SENP2: variants seen among roughly 807,000 people sequenced by gnomAD.
SENP2 encodes sentrin-specific protease 2.
A neutral mutation model predicts 86.3 loss-of-function variants in SENP2; 16 were observed. The ratio of observed to expected loss-of-function variants is 0.19; its 90% CI spans 0.13 to 0.28. SENP2 has a LOEUF of 0.28. SENP2 is among the 10% of genes least tolerant of loss of function. SENP2 has a pLI of 1.00. For synonymous variants in SENP2, 222 were observed against 238.7 expected, an observed-to-expected ratio of 0.93 and a Z score of 0.64; for missense variants, 552 against 703.0, an observed-to-expected ratio of 0.79 and a Z score of 2.43.
chr3:185,608,764 A>G (rs1250244229), intron 6 of SENP2, among the ~76,000 whole-genome samples: 1 of 152,226 alleles, frequency 6.6e-6, no homozygotes. Context: ...CTAGGAAAGC[A>G]AGGCAGGTCA....
intron 2 of SENP2, among the ~76,000 whole-genome samples, chr3:185,594,176 A>AC (rs1401816088): frequency 5.0e-4 from 76 of 151,398 alleles, no homozygotes; most frequent in East Asian, 1.7e-3. Flanking sequence ...AAAAAAAAAA[A>AC]ACACACACAA....
At chr3:185,619,607 A>G (rs1458987545) in intron 13 of SENP2, 105 bp downstream of exon 13, 2 of 761,028 alleles carry the variant, frequency 2.6e-6, no homozygotes, top group African/African-American at 3.5e-5. Context: ...AATAGTATAT[A>G]TTATAAGCAT....
intron 2 of SENP2, among the ~76,000 whole-genome samples, chr3:185,594,291 T>C (rs1722105192): frequency 6.6e-6 from 1 of 152,088 alleles, no homozygotes; most frequent in African/African-American, 2.4e-5. Flanking sequence ...ATTAAATATG[T>C]AGTATGATTT....
intron 5 of SENP2, among the ~76,000 whole-genome samples, chr3:185,604,127 AT>A (rs1385549844): frequency 1.2e-4 from 18 of 152,282 alleles, no homozygotes; most frequent in African/African-American, 4.1e-4. Flanking sequence ...TCTCAAAAAA[AT>A]AAATAAATAA....
At chr3:185,589,011 G>C (rs555113488) in intron 1 of SENP2, among the ~76,000 whole-genome samples, 2 of 152,092 alleles carry the variant, frequency 1.3e-5, no homozygotes, top group Non-Finnish European at 2.9e-5. Context: ...ATGAAGCCCG[G>C]CAGGGCTTGT....
intron 10 of SENP2, among the ~76,000 whole-genome samples, chr3:185,613,862 G>A (rs1206398915): frequency 6.9e-6 from 1 of 145,618 alleles, no homozygotes; most frequent in African/African-American, 2.5e-5. Flanking sequence ...AGGAAGCATT[G>A]AAAATACACA....
intron 13 of SENP2, 136 bp from the exon 14 acceptor site, chr3:185,621,690 T>A: frequency 1.9e-6 from 1 of 519,354 alleles, no homozygotes; most frequent in South Asian, 2.2e-5. Flanking sequence ...GCATGGCCCA[T>A]AAATGGATTT....
chr3:185,618,347 A>C (rs1037030465), intron 12 of SENP2, among the ~76,000 whole-genome samples: 9 of 152,318 alleles, frequency 5.9e-5, no homozygotes, highest in African/African-American at 2.2e-4. Flanking sequence ...GTCATCTTGT[A>C]TCCTTAATAC....
rs1171186225 is a variant in SENP2 at position 185,617,412 on chromosome 3, G to A, written c.1111-68G>A. ...GAGATGAAAAACTTTTTTCAGTCTC[G>A]GAGTTTTCAATAACTGATAATGAAT... On this transcript the variant is annotated intron_variant, in intron 11 of 16. Transcript: ENST00000296257. 5.0e-6 allele frequency: 7 copies of A among 1,405,360 alleles called. No homozygotes were observed. The South Asian group carries it at 7.7e-5, about 15-fold the overall frequency. The allele number at this position is 1,405,360 out of a possible 1,614,324, so 87.1% of individuals were successfully genotyped here.
At chr3:185,592,034 T>TTTTTTTTTTTTTTGCTCA in intron 2 of SENP2, among the ~76,000 whole-genome samples, 1 of 114,640 alleles carries the variant, frequency 8.7e-6, no homozygotes, top group African/African-American at 3.5e-5. Context: ...TTTTTTTTTT[T>TTTTTTTTTTTTTTGCTCA]GAGACAGGAT....
Position 185,612,458 on chromosome 3 carries a change from A to T in SENP2, c.818-149A>T. The T allele has an allele frequency of 8.4e-6, 5 of 595,038 alleles. No homozygotes were observed. The South Asian group carries it at 1.2e-4, about 14-fold the overall frequency. 36.9% of individuals were successfully genotyped at this position (595,038 alleles called of 1,614,324 possible). On this transcript the variant is annotated intron_variant, in intron 8 of 16. Transcript: ENST00000296257. ...TATGCATTTTTTTAGGCAACTTAGT[A>T]TATAGGGAGGCTAGTGTCTTTGGAA... is the stretch of plus-strand genomic sequence containing the variant.
At position 185,630,775 on chromosome 3, in the gene SENP2, A is replaced by G. The variant is rs1263424593; in HGVS notation, c.*931A>G. On this transcript the variant is annotated 3_prime_UTR_variant, in exon 17 of 17. Coordinates refer to ENST00000296257, the MANE Select transcript of SENP2 (RefSeq NM_021627.3). ...TGTTTATTTCAAAAGATACTATTCA[A>G]TTTAAAGCTATTTTTCCTCAGAGTT... 4 of 152,570 alleles carry G rather than the reference A, an allele frequency of 2.6e-5. No homozygotes were observed. Among genetic ancestry groups the G allele is most frequent in the African/African-American group, 9.7e-5 (4 of 41,446 alleles). The allele number at this position is 152,570 out of a possible 1,614,324, so 9.5% of individuals were successfully genotyped here. A position where few individuals can be genotyped will look rare whatever the true frequency, so the allele number is the denominator to read the frequency against.
chr3:185,610,793 T>TA (rs1349759968), intron 7 of SENP2, among the ~76,000 whole-genome samples: 4 of 150,964 alleles, frequency 2.6e-5, no homozygotes, highest in Non-Finnish European at 4.4e-5. Flanking sequence ...CCATCTCTAC[T>TA]AAAAAATACA....
intron 16 of SENP2, among the ~76,000 whole-genome samples, chr3:185,626,760 G>A (rs933352564): frequency 1.3e-5 from 2 of 150,876 alleles, no homozygotes; most frequent in South Asian, 2.1e-4. Flanking sequence ...GTGACAGAGC[G>A]AGACTCTGTC....
chr3:185,612,774 T>C, intron 9 of SENP2, 116 bp downstream of exon 9: 1 of 720,700 alleles, frequency 1.4e-6, no homozygotes, highest in South Asian at 1.9e-5. Flanking sequence ...GTTCTGGTAG[T>C]TGGTCAGCAT....
chr3:185,587,732 A>ATT lies in SENP2; in HGVS notation c.101+1237_101+1238dup, dbSNP rs59565990. 7.0e-3 allele frequency among the ~76,000 whole-genome samples: 509 copies of ATT among 73,004 alleles called. 24 individuals are homozygous for ATT. Among genetic ancestry groups the ATT allele is most frequent in the Non-Finnish European group, 8.4e-3 (329 of 39,046 alleles). 47.9% of individuals were successfully genotyped at this position (73,004 alleles called of 152,430 possible). On this transcript the variant is annotated intron_variant, in intron 1 of 16. Coordinates refer to ENST00000296257, the MANE Select transcript of SENP2 (RefSeq NM_021627.3). ...CAGGCGCCCGCCACCATGCCCGGCT[A>ATT]TTTTTTTTTTTTTTTTTTTTGAGAC...
chr3:185,618,259 G>A (rs533317313), intron 12 of SENP2, among the ~76,000 whole-genome samples: 1 of 152,086 alleles, frequency 6.6e-6, no homozygotes, highest in Admixed American at 6.5e-5. Context: ...TATTTTTTGA[G>A]TAATAAAGGG....
chr3:185,621,386 CTTTTTTTTTTT>C (rs1220771289), intron 13 of SENP2, among the ~76,000 whole-genome samples: 2 of 78,776 alleles, frequency 2.5e-5, no homozygotes, highest in East Asian at 4.0e-4. Context: ...TCTTTTTTTT[CTTTTTTTTTTT>C]TTTTTTTTTT....
At chr3:185,590,867 CA>C (rs1196821162) in intron 2 of SENP2, among the ~76,000 whole-genome samples, 169 of 13,538 alleles carry the variant, frequency 0.012, no homozygotes, top group African/African-American at 0.025. Flanking sequence ...CACTCCATCT[CA>C]AAAAAAAAAA....
Sources: allele counts gnomAD v4.1 joint callset (sites outside exome capture counted in the v4.1 genomes callset), GRCh38; gene constraint gnomAD v4.1.1; transcripts MANE v1.5; gene names NCBI Gene and HGNC (gene_info 2026-07-23, HGNC 2026-07-21).